TGIF1: variants seen among roughly 807,000 people sequenced by gnomAD.
TGIF1 encodes homeobox protein TGIF1.
A neutral mutation model predicts 19.3 loss-of-function variants in TGIF1; 4 were observed. The observed-to-expected ratio is 0.21, with a 90% confidence interval of 0.10 to 0.47. The LOEUF (loss-of-function observed/expected upper bound fraction) is 0.47. TGIF1 is among the 20% of genes least tolerant of loss of function. TGIF1 has a pLI of 0.98. For missense variants in TGIF1, 275 were observed against 341.4 expected (o/e 0.81, Z 1.53); for synonymous variants, 122 against 129.3 (o/e 0.94, Z 0.38).
At chr18:3,445,449 G>A (rs967202101), upstream of TGIF1, among the ~76,000 whole-genome samples, 8 of 152,162 alleles carry the variant, frequency 5.3e-5, no homozygotes, top group African/African-American at 1.9e-4. Context: ...AGAAGGCCGG[G>A]CGTAGTGGCT....
intron 2 of TGIF1, among the ~76,000 whole-genome samples, chr18:3,436,008 G>A (rs1463700202): frequency 6.6e-6 from 1 of 152,284 alleles, no homozygotes; most frequent in South Asian, 2.1e-4. Flanking sequence ...GATTACAGGC[G>A]TGAGCCAGTG....
At chr18:3,426,893 T>TA (rs1293267848) in intron 2 of TGIF1, among the ~76,000 whole-genome samples, 1 of 148,936 alleles carries the variant, frequency 6.7e-6, no homozygotes, top group Non-Finnish European at 1.5e-5. Flanking sequence ...TATGCAGCGG[T>TA]AAAAAAGTAA....
At chr18:3,448,012 G>A (rs1329115649), upstream of TGIF1, 2 of 972,028 alleles carry the variant, frequency 2.1e-6, no homozygotes, top group Non-Finnish European at 2.4e-6. Context: ...GAGCCACCGC[G>A]TGGCCAAGGA....
chr18:3,428,642 C>T (rs1399794661), intron 2 of TGIF1, among the ~76,000 whole-genome samples: 4 of 151,918 alleles, frequency 2.6e-5, no homozygotes, highest in East Asian at 1.9e-4. Flanking sequence ...GAGGCTGAGG[C>T]GGGAGAATCA....
chr18:3,456,923 A>T lies in TGIF1; in HGVS notation c.243+343A>T, dbSNP rs574742053. The T allele has an allele frequency of 1.3e-5, 8 of 593,420 alleles. No individual in the cohort carries two copies. The African/African-American group carries it at 1.5e-4, about 11-fold the overall frequency. The allele number at this position is 593,420 out of a possible 1,614,324, so 36.8% of individuals were successfully genotyped here. A position where few individuals can be genotyped will look rare whatever the true frequency, so the allele number is the denominator to read the frequency against. On this transcript the variant is annotated intron_variant, in intron 2 of 2. Coordinates refer to ENST00000343820, the MANE Select transcript of TGIF1 (RefSeq NM_003244.4). This position sits in a 1 kb window ranked among gnomAD's most constrained non-coding sequence, Gnocchi z 4.2. ...GAGGTAATTCATGTTATGTCTGTTG[A>T]CACAGTCATTTGAACTGGGAAAAAT...
rs147100957 is a variant in TGIF1 at position 3,451,130 on chromosome 18, TA to T, written c.16+629del. 0.056 allele frequency among the ~76,000 whole-genome samples: 8,500 copies of T among 152,192 alleles called. 259 individuals are homozygous for T. Among genetic ancestry groups the T allele is most frequent in the Middle Eastern group, 0.085 (25 of 294 alleles). ...TAGACTTTTACAAATCCCCAGTCTCTAAAAGTTTTCCCACGATGAATTTTGG... is the reference window on the plus strand; with the variant it reads ...TAGACTTTTACAAATCCCCAGTCTCTAAAGTTTTCCCACGATGAATTTTGG... On this transcript the variant is annotated intron_variant, in intron 1 of 2. Coordinates refer to ENST00000343820, the MANE Select transcript of TGIF1 (RefSeq NM_003244.4). The surrounding 1 kb of genome is among the most constrained non-coding windows in gnomAD (Gnocchi z 5.4).
At position 3,419,914 on chromosome 18, in the gene TGIF1, G is replaced by C. The variant is rs55746785; in HGVS notation, c.-45+1699G>C. Reference sequence around the variant, plus strand: ...CCAGCTACTCAGGAGGCTGAGGCAGGAGAATCACTTGAACCCGGGAGGCAG... The same window carrying C: ...CCAGCTACTCAGGAGGCTGAGGCAGCAGAATCACTTGAACCCGGGAGGCAG... On this transcript the variant is annotated intron_variant, in intron 2 of 3. Coordinates refer to the TGIF1 transcript ENST00000401449. Among the ~76,000 whole-genome samples the C allele has an allele frequency of 3.8e-3, 569 of 150,792 alleles. 6 individuals are homozygous for C. The highest frequency in any genetic ancestry group is 0.013 in the African/African-American group (558 of 41,350).
chr18:3,412,658 G>T (rs977564766), intron 1 of TGIF1, among the ~76,000 whole-genome samples: 8 of 152,190 alleles, frequency 5.3e-5, no homozygotes, highest in Non-Finnish European at 8.8e-5. Flanking sequence ...GATTAAGTGG[G>T]CCCCCAGGAC....
chr18:3,452,130 C>A (rs766065938), intron 1 of TGIF1: 1 of 1,613,910 alleles, frequency 6.2e-7, no homozygotes. Context: ...GGCGTCCCCC[C>A]GACTCTCCCG....
intron 2 of TGIF1, among the ~76,000 whole-genome samples, chr18:3,429,295 C>G (rs1458237110): frequency 6.6e-6 from 1 of 152,040 alleles, no homozygotes; most frequent in Non-Finnish European, 1.5e-5. Context: ...ACTTCTTGCT[C>G]AAACAATCCT....
Position 3,456,695 on chromosome 18 carries a change from C to T in TGIF1, c.243+115C>T. 1 of 935,700 alleles carries T rather than the reference C, an allele frequency of 1.1e-6. No homozygotes were observed. The highest frequency in any genetic ancestry group is 1.7e-6 in the Non-Finnish European group (1 of 589,972). 58.0% of individuals were successfully genotyped at this position (935,700 alleles called of 1,614,324 possible). On this transcript the variant is annotated intron_variant, in intron 2 of 2. Transcript: ENST00000343820. The surrounding 1 kb of genome is among the most constrained non-coding windows in gnomAD (Gnocchi z 4.2). ...TGCCACTCAAAGACAGAAGGAATATCTTTTTATTGTAAACTTGATAGTGTT... is the reference window on the plus strand; with the variant it reads ...TGCCACTCAAAGACAGAAGGAATATTTTTTTATTGTAAACTTGATAGTGTT...
chr18:3,448,164 A>G, upstream of TGIF1: 7 of 984,846 alleles, frequency 7.1e-6, no homozygotes, highest in Non-Finnish European at 8.4e-6. Context: ...TTTCGAAGTT[A>G]GCAAACAAAG....
In TGIF1 at chr18:3,438,596, A is replaced by ACACACACACAC. The variant is rs1555647866; in HGVS notation, c.-44-17758_-44-17757insCACACACACAC. On this transcript the variant is annotated intron_variant, in intron 2 of 3. Coordinates refer to the TGIF1 transcript ENST00000401449. ...CCATTCCCATCATTTCATACACACA[A>ACACACACACAC]ACACACACACACACACACACACACA... Among the ~76,000 whole-genome samples, 208 of 135,996 alleles carry ACACACACACAC rather than the reference A, an allele frequency of 1.5e-3. 1 individual carries two copies. Among genetic ancestry groups the ACACACACACAC allele is most frequent in the Non-Finnish European group, 2.1e-3 (133 of 64,182 alleles). 89.2% of individuals were successfully genotyped at this position (135,996 alleles called of 152,430 possible). A position where few individuals can be genotyped will look rare whatever the true frequency, so the allele number is the denominator to read the frequency against.
chr18:3,447,743 A>C, upstream of TGIF1: 1 of 1,614,092 alleles, frequency 6.2e-7, no homozygotes, highest in Non-Finnish European at 8.5e-7. Context: ...TTTGGATATG[A>C]CTTGCTCGGG....
chr18:3,436,090 C>G (rs1326344191), intron 2 of TGIF1, among the ~76,000 whole-genome samples: 1 of 152,186 alleles, frequency 6.6e-6, no homozygotes, highest in South Asian at 2.1e-4. Flanking sequence ...CGCCTGAGCA[C>G]GTTCCTCTTT....
chr18:3,450,004 G>A (rs973391221), upstream of TGIF1: 26 of 989,600 alleles, frequency 2.6e-5, no homozygotes, highest in Non-Finnish European at 9.6e-6. Context: ...CCCCGCGTCC[G>A]CACCGCCGCC....
chr18:3,432,072 G>A (rs2082553952), intron 2 of TGIF1, among the ~76,000 whole-genome samples: 1 of 148,436 alleles, frequency 6.7e-6, no homozygotes, highest in Admixed American at 6.7e-5. Flanking sequence ...AGATTACAGT[G>A]AGCCGAGATT....
At chr18:3,453,738 G>A (rs2143373758) in intron 1 of TGIF1, 2 of 911,460 alleles carry the variant, frequency 2.2e-6, no homozygotes, top group Non-Finnish European at 2.6e-6. Flanking sequence ...CGCTGCTTAG[G>A]GCGGTGGGAT....
chr18:3,437,062 G>A (rs1196932078), intron 2 of TGIF1, among the ~76,000 whole-genome samples: 6 of 152,014 alleles, frequency 3.9e-5, no homozygotes, highest in South Asian at 2.1e-4. Context: ...CCGAGATTGC[G>A]CCACTGCACT....
Sources: allele counts gnomAD v4.1 joint callset (sites outside exome capture counted in the v4.1 genomes callset), GRCh38; gene constraint gnomAD v4.1.1; non-coding constraint Gnocchi (gnomAD v3.1); transcripts MANE v1.5; gene names NCBI Gene and HGNC (gene_info 2026-07-23, HGNC 2026-07-21).